The following CD247 variants were observed in gnomAD, a reference collection of about 807,000 sequenced individuals.
CD247 encodes the protein T-cell surface glycoprotein CD3 zeta chain.
CD247 carries 13 observed loss-of-function variants against 30.0 expected under a neutral mutation model. The observed-to-expected ratio is 0.43, with a 90% CI of 0.28 to 0.69. The LOEUF (loss-of-function observed/expected upper bound fraction) is 0.69, where lower values mean the gene tolerates loss of function less well. Among genes scored for constraint, CD247 ranks in the 30% least tolerant of loss-of-function variants. The pLI is 0.16. For missense variants in CD247, 193 were observed against 212.6 expected (o/e 0.91, Z 0.57); for synonymous variants, 72 against 80.0 (o/e 0.90, Z 0.53).
intron 1 of CD247, among the ~76,000 whole-genome samples, chr1:167,461,100 C>T (rs922650802): frequency 6.6e-6 from 1 of 152,224 alleles, no homozygotes; most frequent in Non-Finnish European, 1.5e-5. Context: ...ATGCTGGGGA[C>T]GTGGGCGATC....
intron 1 of CD247, among the ~76,000 whole-genome samples, chr1:167,455,792 A>G (rs1652624805): frequency 6.6e-6 from 1 of 152,134 alleles, no homozygotes; most frequent in African/African-American, 2.4e-5. Context: ...GTTTTTAGAT[A>G]TCAAAGGAGC....
chr1:167,455,882 G>A (rs1652630135), intron 1 of CD247, among the ~76,000 whole-genome samples: 1 of 152,180 alleles, frequency 6.6e-6, no homozygotes, highest in Admixed American at 6.5e-5. Context: ...CAGTGGCCAG[G>A]ATCGGGCCTG....
chr1:167,498,237 C>A (rs565731300), intron 1 of CD247, among the ~76,000 whole-genome samples: 22 of 152,224 alleles, frequency 1.4e-4, no homozygotes, highest in Non-Finnish European at 2.2e-4. Flanking sequence ...GTCTTTCACA[C>A]CCCAGGTAAG....
At chr1:167,511,460 G>A (rs895427626) in intron 1 of CD247, among the ~76,000 whole-genome samples, 16 of 152,178 alleles carry the variant, frequency 1.1e-4, no homozygotes, top group African/African-American at 3.9e-4. Flanking sequence ...CATTTTCTGA[G>A]AGTAAAATGG....
At chr1:167,460,560 AC>A (rs1470072891) in intron 1 of CD247, among the ~76,000 whole-genome samples, 11 of 152,302 alleles carry the variant, frequency 7.2e-5, no homozygotes, top group African/African-American at 2.4e-4. Context: ...ATGCCCCACT[AC>A]TAACTACTCC....
At chr1:167,501,053 C>CTT (rs569489236) in intron 1 of CD247, among the ~76,000 whole-genome samples, 15 of 124,332 alleles carry the variant, frequency 1.2e-4, no homozygotes, top group African/African-American at 3.4e-4. Context: ...TCCTATTGTT[C>CTT]TTTTTTTTTT....
chr1:167,477,654 C>T (rs140245237), intron 1 of CD247, among the ~76,000 whole-genome samples: 4,478 of 152,234 alleles, frequency 0.029, 101 homozygotes, highest in South Asian at 0.044. Flanking sequence ...CTCAGCCTCC[C>T]GAGTAGCTAG....
At chr1:167,483,962 A>G (rs35616664) in intron 1 of CD247, among the ~76,000 whole-genome samples, 4,417 of 152,326 alleles carry the variant, frequency 0.029, 138 homozygotes, top group African/African-American at 0.075. Context: ...AGGCTTCCTG[A>G]ACAGAGGCTG....
intron 1 of CD247, among the ~76,000 whole-genome samples, chr1:167,444,532 T>C (rs1401121055): frequency 6.6e-6 from 1 of 152,180 alleles, no homozygotes; most frequent in East Asian, 1.9e-4. Context: ...CCTCAGCATC[T>C]GAAAGGAGCC....
chr1:167,503,670 C>A (rs577330144), intron 1 of CD247, among the ~76,000 whole-genome samples: 1 of 152,062 alleles, frequency 6.6e-6, no homozygotes, highest in Non-Finnish European at 1.5e-5. Flanking sequence ...TTGTTATAAA[C>A]GTCACTGAAC....
intron 1 of CD247, among the ~76,000 whole-genome samples, chr1:167,449,675 T>C (rs757860990): frequency 2.0e-5 from 3 of 151,896 alleles, no homozygotes; most frequent in Non-Finnish European, 4.4e-5. Context: ...GTAATCCCAG[T>C]ACGTTGGGAG....
intron 1 of CD247, among the ~76,000 whole-genome samples, chr1:167,517,517 A>G (rs1655663783): frequency 6.6e-6 from 1 of 152,212 alleles, no homozygotes; most frequent in Non-Finnish European, 1.5e-5. Context: ...GCTAGAAAAC[A>G]TGGTGGAAGC....
At chr1:167,493,990 G>C (rs925632962) in intron 1 of CD247, among the ~76,000 whole-genome samples, 1 of 152,158 alleles carries the variant, frequency 6.6e-6, no homozygotes, top group Non-Finnish European at 1.5e-5. Context: ...GTGTCTGCAG[G>C]TGCAGCCTCC....
intron 1 of CD247, among the ~76,000 whole-genome samples, chr1:167,454,994 C>A (rs2102017055): frequency 6.6e-6 from 1 of 152,366 alleles, no homozygotes. Context: ...AGCCCAAGCC[C>A]AAGCTCCTCC....
At chr1:167,484,502 C>T (rs144881361) in intron 1 of CD247, among the ~76,000 whole-genome samples, 19 of 152,292 alleles carry the variant, frequency 1.2e-4, no homozygotes, top group Non-Finnish European at 2.1e-4. Flanking sequence ...TTCAGCCAGG[C>T]GCGGTGGCTC....
intron 1 of CD247, among the ~76,000 whole-genome samples, chr1:167,445,681 G>T (rs1652044895): frequency 6.6e-6 from 1 of 152,090 alleles, no homozygotes; most frequent in Non-Finnish European, 1.5e-5. Flanking sequence ...AGATTTACTT[G>T]AATTGCGTTG....
intron 1 of CD247, among the ~76,000 whole-genome samples, chr1:167,464,392 G>C (rs1653149860): frequency 6.6e-6 from 1 of 152,202 alleles, no homozygotes; most frequent in African/African-American, 2.4e-5. Context: ...CTGAGTGATG[G>C]GTTCCTAAAA....
At chr1:167,503,384 C>A (rs2102102463) in intron 1 of CD247, among the ~76,000 whole-genome samples, 1 of 152,326 alleles carries the variant, frequency 6.6e-6, no homozygotes, top group East Asian at 1.9e-4. Flanking sequence ...ACTCTGTATT[C>A]TGCAGGTCAC....
rs149486798 is a variant in CD247 at position 167,493,999 on chromosome 1, C to G, written c.58+24409G>C. 2.5e-4 allele frequency among the ~76,000 whole-genome samples: 38 copies of G among 152,212 alleles called. No homozygotes were observed. The East Asian group carries it at 6.8e-3, about 27-fold the overall frequency. On this transcript the variant is annotated intron_variant, in intron 1 of 7. Transcript: ENST00000362089. ...TCTGTTGTGTCTGCAGGTGCAGCCTCCGGGACCCAGGACTTTCTTCTCAGG... is the reference window on the plus strand; with the variant it reads ...TCTGTTGTGTCTGCAGGTGCAGCCTGCGGGACCCAGGACTTTCTTCTCAGG...
Sources: allele counts gnomAD v4.1 joint callset (sites outside exome capture counted in the v4.1 genomes callset), GRCh38; gene constraint gnomAD v4.1.1; transcripts MANE v1.5; gene names NCBI Gene and HGNC (gene_info 2026-07-23, HGNC 2026-07-21).